KHDRBS3: variants seen among roughly 807,000 people sequenced by gnomAD.
KHDRBS3 encodes KH domain-containing, RNA-binding, signal transduction-associated protein 3.
A neutral mutation model predicts 45.6 loss-of-function variants in KHDRBS3; 23 were observed. That is an observed-to-expected ratio of 0.50 (90% CI 0.36 to 0.72). The LOEUF is 0.72. KHDRBS3 is among the 30% of genes least tolerant of loss of function. The pLI is 0.00. For missense variants in KHDRBS3, 352 were observed against 424.8 expected, an observed-to-expected ratio of 0.83 and a Z score of 1.51; for synonymous variants, 162 against 156.5, an observed-to-expected ratio of 1.04 and a Z score of -0.26.
intron 1 of KHDRBS3, among the ~76,000 whole-genome samples, chr8:135,514,179 C>T (rs890096561): frequency 6.6e-6 from 1 of 152,154 alleles, no homozygotes; most frequent in Non-Finnish European, 1.5e-5. Context: ...GATGTGGCTA[C>T]ATTAAGAACG....
rs59502823 is a variant in KHDRBS3, at chr8:135,515,365, T to TAAAAAAAA, written c.89-5842_89-5835dup. Among the ~76,000 whole-genome samples, 234 of 39,744 alleles carry TAAAAAAAA rather than the reference T, an allele frequency of 5.9e-3. 8 individuals carry two copies. Among genetic ancestry groups the TAAAAAAAA allele is most frequent in the South Asian group, 0.017 (10 of 600 alleles). The allele number at this position is 39,744 out of a possible 152,430, so 26.1% of individuals were successfully genotyped here. ...TGGGCGACAGAGCGAGACTCCGTCTTAAAAAAAAAAAAAAAAAAAAAAAAA... is the reference window on the plus strand; with the variant it reads ...TGGGCGACAGAGCGAGACTCCGTCTTAAAAAAAAAAAAAAAAAAAAAAAAAAAAAAAAA... On this transcript the variant is annotated intron_variant, in intron 1 of 8. Transcript: ENST00000355849.
At chr8:135,481,250 A>ATATT (rs1285436029) in intron 1 of KHDRBS3, among the ~76,000 whole-genome samples, 3 of 125,556 alleles carry the variant, frequency 2.4e-5, no homozygotes, top group Admixed American at 7.9e-5. Flanking sequence ...ATATATATAT[A>ATATT]TTTAATGTAA....
Position 135,530,616 on chromosome 8 carries a change from T to C in KHDRBS3, c.207+9261T>C, listed in dbSNP as rs185231059. 3.6e-3 allele frequency among the ~76,000 whole-genome samples: 543 copies of C among 152,268 alleles called. 1 individual carries two copies. The highest frequency in any genetic ancestry group is 6.2e-3 in the Non-Finnish European group (420 of 68,020). ...CCAAATGGCCACTGAACGCTTCCACTTGGATACCCCACAAACATCTTAGAG... is the reference window on the plus strand; with the variant it reads ...CCAAATGGCCACTGAACGCTTCCACCTGGATACCCCACAAACATCTTAGAG... On this transcript the variant is annotated intron_variant, in intron 2 of 8. Transcript: ENST00000355849.
At position 135,542,768 on chromosome 8, in the gene KHDRBS3, A is replaced by G. The variant is rs751008639; in HGVS notation, c.322A>G (p.Lys108Glu). The G allele has an allele frequency of 6.9e-6, 11 of 1,587,590 alleles. No individual in the cohort carries two copies. Among genetic ancestry groups the G allele is most frequent in the Non-Finnish European group, 9.5e-6 (11 of 1,156,880 alleles). The change falls in exon 3 of 9, where the codon AAG becomes GAG. Residue 108 changes from lysine to glutamate, a missense_variant and splice_region_variant. Lys to Glu is a moderately conservative substitution (Grantham distance 56, BLOSUM62 1). Coordinates refer to ENST00000355849, the MANE Select transcript of KHDRBS3 (RefSeq NM_006558.3). Reference protein sequence around the residue: ...LGKGSMRDKAKEEELRKSGEA... With the variant: ...LGKGSMRDKAEEEELRKSGEA... The stretch of plus-strand genomic sequence containing the variant: ...GAAAGGTTCCATGAGAGACAAGGCC[A>G]AGGTAATATTAATTATAGAAAACGG...
intron 7 of KHDRBS3, chr8:135,625,485 G>T (rs796729591): frequency 1.3e-6 from 1 of 787,388 alleles, no homozygotes; most frequent in Non-Finnish European, 2.3e-6. Context: ...GCAGTTCTCT[G>T]TGTTGAGATG....
intron 7 of KHDRBS3, among the ~76,000 whole-genome samples, chr8:135,633,962 T>C (rs1830707962): frequency 6.6e-6 from 1 of 152,242 alleles, no homozygotes; most frequent in Non-Finnish European, 1.5e-5. Flanking sequence ...TGTAATGTCA[T>C]GTGTCCACCA....
In KHDRBS3 at chr8:135,581,995, T is replaced by C. The variant is rs773401723; in HGVS notation, c.729T>C (p.Thr243=). 5.6e-6 allele frequency: 9 copies of C among 1,613,076 alleles called. No homozygotes were observed. Among genetic ancestry groups the C allele is most frequent in the Non-Finnish European group, 7.6e-6 (9 of 1,179,524 alleles). The stretch of plus-strand genomic sequence containing the variant: ...TGAGTCGGGGAAGAGGACTTCTCAC[T>C]CCCAGAGCAAGAGGAGTCCCCCCAA... ...GPVSRGRGLL[T]PRARGVPPTG... is the part of the protein sequence containing the mutation. Residue 243 remains threonine, a synonymous_variant, in exon 6 of 9, where the codon ACT becomes ACC. Coordinates refer to ENST00000355849, the MANE Select transcript of KHDRBS3 (RefSeq NM_006558.3).
intron 4 of KHDRBS3, among the ~76,000 whole-genome samples, chr8:135,552,125 A>T (rs1394528227): frequency 1.3e-5 from 2 of 152,042 alleles, no homozygotes; most frequent in East Asian, 3.9e-4. Context: ...ATGTATGTTT[A>T]TCCTATTTGT....
Position 135,563,261 on chromosome 8 carries a change from C to T in KHDRBS3, c.611+5674C>T, listed in dbSNP as rs146636729. ...CACTTTTCCATTGTCTTAACTCCAG[C>T]GTTACTGGTCTCCTTTCTGTTGCTC... is the stretch of plus-strand genomic sequence containing the variant. On this transcript the variant is annotated intron_variant, in intron 5 of 8. Transcript: ENST00000355849. Among the ~76,000 whole-genome samples the T allele has an allele frequency of 3.8e-3, 583 of 152,306 alleles. 3 individuals carry two copies. Among genetic ancestry groups the T allele is most frequent in the Non-Finnish European group, 5.9e-3 (400 of 68,024 alleles).
intron 4 of KHDRBS3, among the ~76,000 whole-genome samples, chr8:135,553,147 G>A (rs897130633): frequency 6.6e-6 from 1 of 152,098 alleles, no homozygotes. Flanking sequence ...TAGCCTGGTG[G>A]TCAGTTTCTT....
chr8:135,529,911 C>A (rs1370896895), intron 2 of KHDRBS3, among the ~76,000 whole-genome samples: 3 of 151,656 alleles, frequency 2.0e-5, no homozygotes, highest in Non-Finnish European at 4.4e-5. Context: ...ATTAGCCAGG[C>A]GTGGTGGCGG....
intron 6 of KHDRBS3, among the ~76,000 whole-genome samples, chr8:135,599,313 A>C (rs1268653386): frequency 2.0e-5 from 3 of 152,218 alleles, no homozygotes; most frequent in Non-Finnish European, 4.4e-5. Context: ...TATAATAACT[A>C]ATTTCTCATC....
intron 1 of KHDRBS3, among the ~76,000 whole-genome samples, chr8:135,518,916 T>A (rs1310729770): frequency 1.3e-5 from 2 of 152,226 alleles, no homozygotes; most frequent in African/African-American, 2.4e-5. Flanking sequence ...TTGTTTTAAA[T>A]TGTTACCATG....
chr8:135,582,185 T>C (rs1452902929), intron 6 of KHDRBS3, 112 bp downstream of exon 6: 1 of 1,069,572 alleles, frequency 9.3e-7, no homozygotes, highest in African/African-American at 1.6e-5. Context: ...TTCTTGAGTA[T>C]TCTACTTTGT....
intron 2 of KHDRBS3, among the ~76,000 whole-genome samples, chr8:135,536,486 A>G (rs1214770792): frequency 1.3e-5 from 2 of 152,246 alleles, no homozygotes. Flanking sequence ...TTCGCAGGAC[A>G]GTCACATCGT....
At chr8:135,562,866 A>G (rs534137999) in intron 5 of KHDRBS3, among the ~76,000 whole-genome samples, 32 of 152,224 alleles carry the variant, frequency 2.1e-4, no homozygotes, top group Non-Finnish European at 4.3e-4. Context: ...ATGAATTTCT[A>G]CTTAAGACTT....
chr8:135,490,498 C>G (rs1823093314), intron 1 of KHDRBS3, among the ~76,000 whole-genome samples: 1 of 152,082 alleles, frequency 6.6e-6, no homozygotes, highest in Non-Finnish European at 1.5e-5. Flanking sequence ...AGGTTAGAGC[C>G]AGTTTTTGTC....
At chr8:135,485,739 G>A (rs925888056) in intron 1 of KHDRBS3, among the ~76,000 whole-genome samples, 13 of 151,018 alleles carry the variant, frequency 8.6e-5, no homozygotes, top group Non-Finnish European at 2.9e-5. Flanking sequence ...GATGGCATTT[G>A]CAAAGTCCTT....
In KHDRBS3 at chr8:135,647,351, A is replaced by G. The variant is rs1319531918; in HGVS notation, c.*267A>G. ...TAACTTTGATTAACTAGTGTTAAAC[A>G]AAAAATAGGTTTACTAAATATGTTA... On this transcript the variant is annotated 3_prime_UTR_variant, in exon 9 of 9. Coordinates refer to ENST00000355849, the MANE Select transcript of KHDRBS3 (RefSeq NM_006558.3). 10 of 262,526 alleles carry G rather than the reference A, an allele frequency of 3.8e-5. No homozygotes were observed. The East Asian group carries it at 6.5e-4, about 17-fold the overall frequency. The allele number at this position is 262,526 out of a possible 1,614,324, so 16.3% of individuals were successfully genotyped here. A position where few individuals can be genotyped will look rare whatever the true frequency, so the allele number is the denominator to read the frequency against.
Sources: allele counts gnomAD v4.1 joint callset (sites outside exome capture counted in the v4.1 genomes callset), GRCh38; gene constraint gnomAD v4.1.1; transcripts MANE v1.5; gene names NCBI Gene and HGNC (gene_info 2026-07-23, HGNC 2026-07-21).